RBFOX3: variants seen among roughly 807,000 people sequenced by gnomAD.
The protein encoded by RBFOX3 is RNA binding protein fox-1 homolog 3.
Under a neutral mutation model 48.7 loss-of-function variants are expected in RBFOX3, and 17 were observed. The ratio of observed to expected loss-of-function variants is 0.35; its 90% confidence interval spans 0.24 to 0.52. The LOEUF (loss-of-function observed/expected upper bound fraction) is 0.52, where lower values mean the gene tolerates loss of function less well. Ranked by LOEUF, RBFOX3 falls within the 20% of genes least tolerant of loss-of-function variation. The pLI is 0.94. For synonymous variants in RBFOX3, 212 were observed against 209.5 expected (o/e 1.01, Z -0.10); for missense variants, 382 against 497.5 (o/e 0.77, Z 2.21).
At chr17:79,411,841 C>T (rs756350324) in intron 2 of RBFOX3, among the ~76,000 whole-genome samples, 1 of 152,234 alleles carries the variant, frequency 6.6e-6, no homozygotes, top group Non-Finnish European at 1.5e-5. Context: ...AAGGCTCATA[C>T]TGGGGCCAAT....
intron 4 of RBFOX3, among the ~76,000 whole-genome samples, chr17:79,172,187 A>AG (rs1415701141): frequency 6.6e-6 from 1 of 151,646 alleles, no homozygotes; most frequent in East Asian, 1.9e-4. Flanking sequence ...AAAAAAAAAA[A>AG]AAAAAAAGAG....
chr17:79,313,426 T>G (rs1316306414), intron 2 of RBFOX3, among the ~76,000 whole-genome samples: 1 of 152,174 alleles, frequency 6.6e-6, no homozygotes, highest in Non-Finnish European at 1.5e-5. Flanking sequence ...ATTCATTTAG[T>G]CAAGCTGTGC....
At chr17:79,219,916 G>GCCCAGCCCCCTGTCCCAGCCCCCTGT (rs143460081) in intron 4 of RBFOX3, among the ~76,000 whole-genome samples, 1 of 151,626 alleles carries the variant, frequency 6.6e-6, no homozygotes, top group African/African-American at 2.4e-5. Context: ...TGGAGGCTGG[G>GCCCAGCCCCCTGTCCCAGCCCCCTGT]CCCAGCCCCC....
At chr17:79,367,480 G>A (rs1288898994) in intron 2 of RBFOX3, among the ~76,000 whole-genome samples, 2 of 151,952 alleles carry the variant, frequency 1.3e-5, no homozygotes, top group Admixed American at 1.3e-4. Context: ...GTATCACCCA[G>A]CAGTTAGCGA....
chr17:79,159,684 C>T (rs1239792719), intron 4 of RBFOX3, among the ~76,000 whole-genome samples: 1 of 152,178 alleles, frequency 6.6e-6, no homozygotes, highest in Non-Finnish European at 1.5e-5. Context: ...GCTGCATGCC[C>T]GCAGCTGGGG....
intron 11 of RBFOX3, 37 bp downstream of exon 11, chr17:79,097,255 C>G: frequency 6.8e-7 from 1 of 1,476,874 alleles, no homozygotes; most frequent in Non-Finnish European, 9.1e-7. Context: ...CGCCGTCCTA[C>G]CCCCTCCTCC....
At chr17:79,152,690 G>T (rs2044826238) in intron 4 of RBFOX3, among the ~76,000 whole-genome samples, 1 of 152,198 alleles carries the variant, frequency 6.6e-6, no homozygotes, top group Non-Finnish European at 1.5e-5. Context: ...CACAGCCAGC[G>T]AGAGGGCCAG....
chr17:79,136,726 T>A (rs1055493650), intron 4 of RBFOX3, among the ~76,000 whole-genome samples: 5 of 152,128 alleles, frequency 3.3e-5, no homozygotes, highest in African/African-American at 2.4e-5. Flanking sequence ...CCCGACCTGA[T>A]GTCTCAGTCC....
Position 79,103,126 on chromosome 17 carries a change from T to C in RBFOX3, c.507+36A>G, listed in dbSNP as rs888389784. 6.7e-7 allele frequency: 1 copy of C among 1,484,148 alleles called. No individual in the cohort carries two copies. Among genetic ancestry groups the C allele is most frequent in the Non-Finnish European group, 9.2e-7 (1 of 1,086,684 alleles). 91.9% of individuals were successfully genotyped at this position (1,484,148 alleles called of 1,614,324 possible). ...GAGCTGGGGGGCAGGTGGGCGATCT[T>C]GGGGCATCCCTGCCGCAGCACACTT... is the stretch of plus-strand genomic sequence containing the variant. On this transcript the variant is annotated intron_variant, in intron 8 of 14. Coordinates refer to ENST00000693108, the MANE Select transcript of RBFOX3 (RefSeq NM_001350451.2). The surrounding 1 kb of genome is among the most constrained non-coding windows in gnomAD (Gnocchi z 6.1).
intron 2 of RBFOX3, among the ~76,000 whole-genome samples, chr17:79,354,019 T>C (rs2084479452): frequency 6.6e-6 from 1 of 152,152 alleles, no homozygotes; most frequent in African/African-American, 2.4e-5. Flanking sequence ...TTTAGAGAAG[T>C]TTTACACTCA....
At chr17:79,419,154 C>T (rs1177694527) in intron 2 of RBFOX3, among the ~76,000 whole-genome samples, 2 of 152,154 alleles carry the variant, frequency 1.3e-5, no homozygotes, top group Non-Finnish European at 2.9e-5. Flanking sequence ...GTGGGCTGCC[C>T]GGCCATGCCT....
chr17:79,369,319 C>T (rs934227840), intron 2 of RBFOX3, among the ~76,000 whole-genome samples: 1 of 151,848 alleles, frequency 6.6e-6, no homozygotes, highest in African/African-American at 2.4e-5. Flanking sequence ...CCACAGTCTG[C>T]CCCCACTCCC....
At chr17:79,462,531 C>T (rs1482882856) in intron 2 of RBFOX3, among the ~76,000 whole-genome samples, 1 of 152,110 alleles carries the variant, frequency 6.6e-6, no homozygotes, top group Non-Finnish European at 1.5e-5. Context: ...AAGTGTTGCT[C>T]CCCAGGGGAC....
intron 2 of RBFOX3, among the ~76,000 whole-genome samples, chr17:79,417,298 C>T (rs1304846561): frequency 1.3e-5 from 2 of 152,218 alleles, no homozygotes; most frequent in South Asian, 4.1e-4. Context: ...CTCACTCCTG[C>T]TCAGGGGTGC....
chr17:79,274,536 G>A (rs2068353931), intron 3 of RBFOX3, among the ~76,000 whole-genome samples: 1 of 152,104 alleles, frequency 6.6e-6, no homozygotes, highest in African/African-American at 2.4e-5. Context: ...AGGCTGGTCC[G>A]ACCTCTGTCC....
chr17:79,179,755 G>A (rs1480192696), intron 4 of RBFOX3, among the ~76,000 whole-genome samples: 2 of 152,196 alleles, frequency 1.3e-5, no homozygotes, highest in African/African-American at 4.8e-5. Context: ...GCCTCCCAGA[G>A]AGTCCTGCTG....
At chr17:79,104,657 G>A (rs1020239662) in intron 6 of RBFOX3, among the ~76,000 whole-genome samples, 1 of 152,244 alleles carries the variant, frequency 6.6e-6, no homozygotes, top group African/African-American at 2.4e-5. Context: ...GGGAGACAGA[G>A]GGACATGAGT....
intron 1 of RBFOX3, among the ~76,000 whole-genome samples, chr17:79,529,887 G>A (rs1172217970): frequency 1.3e-5 from 2 of 152,216 alleles, no homozygotes; most frequent in African/African-American, 4.8e-5. Context: ...ACATGTTGCT[G>A]GGACCCAGCA....
chr17:79,350,317 A>G (rs2083668931), intron 2 of RBFOX3, among the ~76,000 whole-genome samples: 2 of 151,410 alleles, frequency 1.3e-5, no homozygotes, highest in Admixed American at 1.3e-4. Flanking sequence ...TAATTCTCCA[A>G]CTCTTCCCTG....
Sources: gnomAD v4.1 joint callset for allele counts (sites outside exome capture counted in the v4.1 genomes callset) on GRCh38, gnomAD v4.1.1 for gene constraint, Gnocchi (gnomAD v3.1) non-coding constraint, MANE v1.5 for transcripts, NCBI Gene and HGNC (gene_info 2026-07-23, HGNC 2026-07-21) for gene names.